Variants in CNTNAP2 observed in about 807,000 individuals in gnomAD.
The protein encoded by CNTNAP2 is contactin-associated protein-like 2.
In CNTNAP2, 98 loss-of-function variants were observed where a neutral mutation model predicts 155.2. The observed-to-expected ratio is 0.63, with a 90% CI of 0.54 to 0.75. The LOEUF is 0.75. Among genes scored for constraint, CNTNAP2 ranks in the 30% least tolerant of loss-of-function variants. CNTNAP2 has a pLI of 0.00. For missense variants in CNTNAP2, 1,727 were observed against 1,688.1 expected, an observed-to-expected ratio of 1.02 and a Z score of -0.40; for synonymous variants, 651 against 631.2, an observed-to-expected ratio of 1.03 and a Z score of -0.47.
intron 3 of CNTNAP2, among the ~76,000 whole-genome samples, chr7:146,925,075 A>G (rs2129221040): frequency 6.6e-6 from 1 of 152,250 alleles, no homozygotes; most frequent in East Asian, 1.9e-4. Flanking sequence ...TTCTAGTAGA[A>G]GTACATAGTG....
intron 1 of CNTNAP2, among the ~76,000 whole-genome samples, chr7:146,510,101 T>C (rs1370048713): frequency 6.6e-6 from 1 of 152,088 alleles, no homozygotes; most frequent in Non-Finnish European, 1.5e-5. Context: ...GGTGAACAGG[T>C]GGCAGGCAGC....
chr7:148,403,525 T>G (rs1799634588), intron 22 of CNTNAP2, among the ~76,000 whole-genome samples: 1 of 152,190 alleles, frequency 6.6e-6, no homozygotes, highest in African/African-American at 2.4e-5. Flanking sequence ...TTGGACCTAC[T>G]CACTGTTTCC....
intron 3 of CNTNAP2, among the ~76,000 whole-genome samples, chr7:146,846,303 CT>C (rs1435638750): frequency 6.7e-6 from 1 of 148,400 alleles, no homozygotes; most frequent in East Asian, 2.0e-4. Context: ...TTATAGATAG[CT>C]TATTGAGAAA....
intron 13 of CNTNAP2, among the ~76,000 whole-genome samples, chr7:147,903,096 T>G (rs1297246069): frequency 6.6e-6 from 1 of 152,166 alleles, no homozygotes; most frequent in East Asian, 1.9e-4. Flanking sequence ...CCACCAGCAG[T>G]GTAGAAGTGT....
chr7:146,687,722 G>A (rs1800626374), intron 1 of CNTNAP2, among the ~76,000 whole-genome samples: 1 of 152,112 alleles, frequency 6.6e-6, no homozygotes, highest in Non-Finnish European at 1.5e-5. Flanking sequence ...GATCATTGAG[G>A]GAATATATTT....
chr7:147,469,240 G>C (rs1182978857), intron 10 of CNTNAP2, among the ~76,000 whole-genome samples: 2 of 152,108 alleles, frequency 1.3e-5, no homozygotes, highest in Non-Finnish European at 2.9e-5. Context: ...TGAAATGCCA[G>C]TTCAATTCCG....
intron 21 of CNTNAP2, among the ~76,000 whole-genome samples, chr7:148,365,305 T>G (rs1234051774): frequency 6.6e-6 from 1 of 152,218 alleles, no homozygotes; most frequent in Non-Finnish European, 1.5e-5. Context: ...CAACTAGTTT[T>G]TGAGCTCATC....
intron 3 of CNTNAP2, among the ~76,000 whole-genome samples, chr7:146,897,184 A>G (rs1440433413): frequency 6.6e-6 from 1 of 152,144 alleles, no homozygotes; most frequent in East Asian, 1.9e-4. Flanking sequence ...AATCAAGCCC[A>G]TCATTACACT....
intron 1 of CNTNAP2, among the ~76,000 whole-genome samples, chr7:146,525,877 C>T (rs1007016621): frequency 6.6e-6 from 1 of 152,028 alleles, no homozygotes; most frequent in Admixed American, 6.6e-5. Flanking sequence ...TAATGTTTGT[C>T]ATAAATGTGA....
At chr7:147,772,100 C>T (rs1236482041) in intron 13 of CNTNAP2, among the ~76,000 whole-genome samples, 2 of 151,864 alleles carry the variant, frequency 1.3e-5, no homozygotes, top group Non-Finnish European at 2.9e-5. Context: ...ATAACTAGGT[C>T]AATGTGTATA....
intron 13 of CNTNAP2, among the ~76,000 whole-genome samples, chr7:147,850,804 A>G (rs1469693227): frequency 4.6e-5 from 7 of 152,228 alleles, no homozygotes; most frequent in African/African-American, 1.2e-4. Context: ...TGTTAGACCT[A>G]AAACCATAAA....
intron 8 of CNTNAP2, among the ~76,000 whole-genome samples, chr7:147,269,921 G>C (rs576874938): frequency 6.6e-6 from 1 of 152,064 alleles, no homozygotes; most frequent in African/African-American, 2.4e-5. Context: ...AATGAGTTGG[G>C]TTTCGTGGCG....
rs1265635503 is a variant in CNTNAP2 at position 147,775,325 on chromosome 7, A to T, written c.2099-128240A>T. On this transcript the variant is annotated intron_variant, in intron 13 of 23. Transcript: ENST00000361727. The stretch of plus-strand genomic sequence containing the variant: ...TATATTTATAAATATATATATATTT[A>T]TATATATTTATAAATATATATATTT... Among the ~76,000 whole-genome samples the T allele has an allele frequency of 1.7e-4, 9 of 51,724 alleles. 1 individual carries two copies. Among genetic ancestry groups the T allele is most frequent in the East Asian group, 1.3e-3 (4 of 2,986 alleles). 33.9% of individuals were successfully genotyped at this position (51,724 alleles called of 152,430 possible). A position where few individuals can be genotyped will look rare whatever the true frequency, so the allele number is the denominator to read the frequency against.
At chr7:147,118,501 G>T (rs553631250) in intron 5 of CNTNAP2, among the ~76,000 whole-genome samples, 1 of 152,102 alleles carries the variant, frequency 6.6e-6, no homozygotes, top group Admixed American at 6.5e-5. Flanking sequence ...TCAATCTATC[G>T]ATCTAATTAA....
intron 20 of CNTNAP2, among the ~76,000 whole-genome samples, chr7:148,263,691 G>C (rs989238289): frequency 6.0e-5 from 9 of 150,798 alleles, no homozygotes; most frequent in Admixed American, 3.3e-4. Context: ...GAACCGAGAT[G>C]GTGCCTCTGC....
intron 1 of CNTNAP2, among the ~76,000 whole-genome samples, chr7:146,736,325 A>T (rs55949205): frequency 0.016 from 2,473 of 152,094 alleles, 35 homozygotes; most frequent in African/African-American, 0.047. Flanking sequence ...TCAGAACTAT[A>T]AAAAAAAGTC....
At chr7:146,976,570 G>A (rs1797915533) in intron 3 of CNTNAP2, among the ~76,000 whole-genome samples, 1 of 152,178 alleles carries the variant, frequency 6.6e-6, no homozygotes. Flanking sequence ...GGATACAGAT[G>A]AAGAGATGTC....
intron 8 of CNTNAP2, among the ~76,000 whole-genome samples, chr7:147,231,341 T>A (rs537552227): frequency 6.6e-6 from 1 of 152,356 alleles, no homozygotes; most frequent in East Asian, 1.9e-4. Flanking sequence ...TGACTGACAC[T>A]TAGGTTGTTT....
intron 13 of CNTNAP2, among the ~76,000 whole-genome samples, chr7:147,901,593 C>T (rs1799868670): frequency 6.6e-6 from 1 of 152,180 alleles, no homozygotes; most frequent in Non-Finnish European, 1.5e-5. Context: ...TGTCTTTTTA[C>T]ATTCTGCTCC....
Sources: allele counts gnomAD v4.1 joint callset (sites outside exome capture counted in the v4.1 genomes callset), GRCh38; gene constraint gnomAD v4.1.1; transcripts MANE v1.5; gene names NCBI Gene and HGNC (gene_info 2026-07-23, HGNC 2026-07-21).